Variants in TASP1 observed in about 807,000 individuals in gnomAD.
TASP1 encodes threonine aspartase 1.
TASP1 carries 16 observed loss-of-function variants against 56.6 expected under a neutral mutation model. That is an observed-to-expected ratio of 0.28 (90% confidence interval 0.19 to 0.43). TASP1 has a LOEUF of 0.43. Ranked by LOEUF, TASP1 falls within the 20% of genes least tolerant of loss-of-function variation. TASP1 has a pLI of 1.00. For missense variants in TASP1, 393 were observed against 511.6 expected, an observed-to-expected ratio of 0.77 and a Z score of 2.24; for synonymous variants, 179 against 184.2, an observed-to-expected ratio of 0.97 and a Z score of 0.23.
intron 11 of TASP1, among the ~76,000 whole-genome samples, chr20:13,436,558 C>T (rs1478133276): frequency 1.3e-5 from 2 of 152,114 alleles, no homozygotes; most frequent in Admixed American, 6.6e-5. Context: ...GATATTTACT[C>T]TCTAAAGAAG....
chr20:13,110,557 A>ATTCAAGAT, the TASP1 span, among the ~76,000 whole-genome samples: 1 of 152,270 alleles, frequency 6.6e-6, no homozygotes, highest in African/African-American at 2.4e-5. Context: ...CAAGATCAAA[A>ATTCAAGAT]CACTCCTTGC....
the TASP1 span, among the ~76,000 whole-genome samples, chr20:13,256,969 A>G: frequency 6.6e-6 from 1 of 152,192 alleles, no homozygotes; most frequent in African/African-American, 2.4e-5. Context: ...CTGAGGGGAA[A>G]AAACAGTGAA....
chr20:13,290,724 TGAA>T, the TASP1 span, among the ~76,000 whole-genome samples: 1 of 152,114 alleles, frequency 6.6e-6, no homozygotes, highest in African/African-American at 2.4e-5. Flanking sequence ...TAGATGATGA[TGAA>T]GAAGATTTTT....
the TASP1 span, among the ~76,000 whole-genome samples, chr20:13,260,203 A>G: frequency 2.0e-5 from 3 of 152,334 alleles, no homozygotes; most frequent in Admixed American, 6.5e-5. Flanking sequence ...ACCTCTGGCC[A>G]TATGTGGCCT....
the TASP1 span, among the ~76,000 whole-genome samples, chr20:13,207,100 CA>C: frequency 6.6e-6 from 1 of 152,096 alleles, no homozygotes. Flanking sequence ...ACTAGTTACA[CA>C]ATAATGCTGC....
chr20:13,579,371 A>ATT (rs879806486), intron 6 of TASP1, among the ~76,000 whole-genome samples: 3 of 145,586 alleles, frequency 2.1e-5, no homozygotes, highest in Admixed American at 6.9e-5. Flanking sequence ...CAAGTGTAAG[A>ATT]TTTTTTTTTT....
intron 8 of TASP1, among the ~76,000 whole-genome samples, chr20:13,550,147 T>TACACATAC (rs1555786687): frequency 2.2e-5 from 3 of 135,304 alleles, no homozygotes; most frequent in African/African-American, 8.3e-5. Context: ...TATATACACA[T>TACACATAC]ACACACACAC....
chr20:13,408,088 C>T (rs1300185398), intron 13 of TASP1, among the ~76,000 whole-genome samples: 2 of 151,364 alleles, frequency 1.3e-5, no homozygotes, highest in Admixed American at 6.6e-5. Flanking sequence ...TTTATTTTTT[C>T]TTTTGTTGCC....
chr20:13,541,817 G>C (rs2045631687), intron 8 of TASP1, among the ~76,000 whole-genome samples: 1 of 151,944 alleles, frequency 6.6e-6, no homozygotes, highest in Non-Finnish European at 1.5e-5. Flanking sequence ...ACAAGAAATG[G>C]GTAAGCAAAC....
chr20:13,173,572 G>A, the TASP1 span, among the ~76,000 whole-genome samples: 6 of 152,302 alleles, frequency 3.9e-5, no homozygotes, highest in East Asian at 3.9e-4. Flanking sequence ...AGGAGGGGGC[G>A]TTACAGCAGT....
the TASP1 span, chr20:13,299,568 T>C: frequency 3.1e-5 from 31 of 988,820 alleles, no homozygotes; most frequent in Non-Finnish European, 4.1e-5. The surrounding 1 kb of genome is among the most constrained non-coding windows in gnomAD (Gnocchi z 5.8). Context: ...CGTGTATATT[T>C]GTATATACCA....
At chr20:13,181,265 A>G in the TASP1 span, among the ~76,000 whole-genome samples, 1 of 152,210 alleles carries the variant, frequency 6.6e-6, no homozygotes, top group African/African-American at 2.4e-5. Context: ...GTCCTTAGCA[A>G]GATAGTGCTC....
intron 11 of TASP1, 98 bp downstream of exon 11, chr20:13,483,129 T>A (rs1174093087): frequency 6.2e-6 from 5 of 806,652 alleles, no homozygotes; most frequent in Non-Finnish European, 9.5e-6. Context: ...ACCCTAGAGG[T>A]AGGTCTAGAA....
intron 6 of TASP1, among the ~76,000 whole-genome samples, chr20:13,580,586 T>C (rs1005257386): frequency 1.3e-5 from 2 of 152,240 alleles, no homozygotes; most frequent in African/African-American, 2.4e-5. Flanking sequence ...ATTTACTATG[T>C]TCCATGTACT....
intron 8 of TASP1, among the ~76,000 whole-genome samples, chr20:13,536,478 A>G (rs2045422332): frequency 6.6e-6 from 1 of 152,228 alleles, no homozygotes; most frequent in Non-Finnish European, 1.5e-5. Context: ...CTGATCTTAC[A>G]CTTTGAATAG....
the TASP1 span, among the ~76,000 whole-genome samples, chr20:13,132,662 C>T: frequency 6.6e-6 from 1 of 152,178 alleles, no homozygotes; most frequent in African/African-American, 2.4e-5. Context: ...ATTCTTCTCG[C>T]TATCCCTCTT....
chr20:13,117,560 C>T, the TASP1 span: 2 of 1,610,610 alleles, frequency 1.2e-6, no homozygotes, highest in African/African-American at 1.3e-5. Context: ...AGAAGAAATA[C>T]AAGGCTTACC....
the TASP1 span, among the ~76,000 whole-genome samples, chr20:13,180,969 A>C: frequency 6.6e-6 from 1 of 152,192 alleles, no homozygotes; most frequent in African/African-American, 2.4e-5. Context: ...TATTCTCTGC[A>C]TGCTGGTGTC....
rs201335283 is a variant in TASP1, at chr20:13,534,109, G to T, written c.708C>A (p.Gly236=). ...ENDSGTLDTV[G]AVVVDHEGNV... ...TCCCTTCGTGGTCCACAACCACAGCGCCTACCGTGTCCAAAGTGCCTGAGT... is the reference window on the plus strand; with the variant it reads ...TCCCTTCGTGGTCCACAACCACAGCTCCTACCGTGTCCAAAGTGCCTGAGT... The change falls in exon 9 of 14, where the codon GGC becomes GGA. Residue 236 remains glycine (G), a synonymous_variant. Coordinates refer to ENST00000337743, the MANE Select transcript of TASP1 (RefSeq NM_017714.3). The T allele has an allele frequency of 5.0e-5, 80 of 1,613,440 alleles. No individual in the cohort carries two copies. Among genetic ancestry groups the T allele is most frequent in the Admixed American group, 8.3e-5 (5 of 59,948 alleles).
Sources: gnomAD v4.1 joint callset for allele counts (sites outside exome capture counted in the v4.1 genomes callset) on GRCh38, gnomAD v4.1.1 for gene constraint, Gnocchi (gnomAD v3.1) non-coding constraint, MANE v1.5 for transcripts, NCBI Gene and HGNC (gene_info 2026-07-23, HGNC 2026-07-21) for gene names.